The following CTNND2 variants were observed in gnomAD, a reference collection of about 807,000 sequenced individuals.
CTNND2 encodes the protein catenin delta-2.
Under a neutral mutation model 144.4 loss-of-function variants are expected in CTNND2, and 22 were observed. That is an observed-to-expected ratio of 0.15 (90% confidence interval 0.11 to 0.22). The LOEUF is 0.22. Ranked by LOEUF, CTNND2 falls within the 10% of genes least tolerant of loss-of-function variation. CTNND2 has a pLI of 1.00. For synonymous variants in CTNND2, 751 were observed against 695.6 expected (o/e 1.08, Z -1.25); for missense variants, 1,353 against 1,618.8 (o/e 0.84, Z 2.82).
intron 9 of CTNND2, among the ~76,000 whole-genome samples, chr5:11,345,662 C>CT (rs1367362156): frequency 6.6e-6 from 1 of 152,032 alleles, no homozygotes; most frequent in East Asian, 1.9e-4. Flanking sequence ...TTATGGGACT[C>CT]TATCAGCATA....
chr5:11,099,645 T>C (rs962437546), intron 14 of CTNND2, among the ~76,000 whole-genome samples: 5 of 152,192 alleles, frequency 3.3e-5, no homozygotes, highest in Admixed American at 1.3e-4. Context: ...GTCTTTTTTT[T>C]CTACATTTCA....
chr5:11,260,775 A>G (rs552757563), intron 9 of CTNND2, among the ~76,000 whole-genome samples: 1 of 152,340 alleles, frequency 6.6e-6, no homozygotes, highest in East Asian at 1.9e-4. Flanking sequence ...AAACCTTAGC[A>G]ATCAACAATT....
chr5:11,633,859 T>C (rs1781540944), intron 2 of CTNND2, among the ~76,000 whole-genome samples: 1 of 152,100 alleles, frequency 6.6e-6, no homozygotes, highest in Non-Finnish European at 1.5e-5. Flanking sequence ...AACCTGGACA[T>C]CTTTCTTCTT....
intron 2 of CTNND2, among the ~76,000 whole-genome samples, chr5:11,618,844 G>A (rs999760487): frequency 1.6e-4 from 25 of 151,884 alleles, no homozygotes; most frequent in Admixed American, 5.9e-4. Context: ...GATTTTATCC[G>A]ATTATTGTAT....
intron 15 of CTNND2, among the ~76,000 whole-genome samples, chr5:11,096,320 C>T (rs1320772735): frequency 6.6e-6 from 1 of 152,144 alleles, no homozygotes; most frequent in African/African-American, 2.4e-5. Flanking sequence ...CTCCTAGCCC[C>T]CCACCCCTGC....
chr5:11,510,455 G>C (rs1771530531), intron 3 of CTNND2, among the ~76,000 whole-genome samples: 1 of 152,114 alleles, frequency 6.6e-6, no homozygotes, highest in African/African-American at 2.4e-5. Flanking sequence ...AGTTTGTCTA[G>C]GTATCACTTC....
intron 2 of CTNND2, among the ~76,000 whole-genome samples, chr5:11,566,688 G>A (rs889965072): frequency 1.3e-5 from 2 of 152,192 alleles, no homozygotes; most frequent in Non-Finnish European, 2.9e-5. Flanking sequence ...GTGAAACAGT[G>A]CAGTATTTGG....
At chr5:11,849,619 C>G (rs1794920790) in intron 1 of CTNND2, among the ~76,000 whole-genome samples, 1 of 152,166 alleles carries the variant, frequency 6.6e-6, no homozygotes, top group South Asian at 2.1e-4. Context: ...GCACACTGCC[C>G]TTAACTGGAA....
intron 3 of CTNND2, among the ~76,000 whole-genome samples, chr5:11,534,510 C>T (rs1277035568): frequency 6.6e-6 from 1 of 152,020 alleles, no homozygotes; most frequent in Non-Finnish European, 1.5e-5. Flanking sequence ...GAGGCTGAGG[C>T]AGGAGAATCG....
At chr5:11,876,712 G>A (rs1471856261) in intron 1 of CTNND2, among the ~76,000 whole-genome samples, 1 of 152,150 alleles carries the variant, frequency 6.6e-6, no homozygotes, top group Non-Finnish European at 1.5e-5. Flanking sequence ...GATTGAAAAG[G>A]TGTTCAAAGC....
intron 1 of CTNND2, among the ~76,000 whole-genome samples, chr5:11,839,381 C>T (rs1355990743): frequency 6.6e-6 from 1 of 152,102 alleles, no homozygotes. Flanking sequence ...ACTTCAAAAA[C>T]AGAGGTGTCT....
intron 2 of CTNND2, among the ~76,000 whole-genome samples, chr5:11,704,863 C>A (rs1785620806): frequency 6.6e-6 from 1 of 151,780 alleles, no homozygotes; most frequent in Admixed American, 6.6e-5. Flanking sequence ...AACATAATCA[C>A]ACGTAATAAA....
chr5:11,163,336 C>T (rs1177305222), intron 11 of CTNND2, among the ~76,000 whole-genome samples: 1 of 152,188 alleles, frequency 6.6e-6, no homozygotes, highest in Non-Finnish European at 1.5e-5. Context: ...CTAGGGCTTT[C>T]AGCCGAAATT....
chr5:11,873,747 G>A (rs1560953078), intron 1 of CTNND2, among the ~76,000 whole-genome samples: 1 of 152,118 alleles, frequency 6.6e-6, no homozygotes. Flanking sequence ...CTGGACAAGG[G>A]GCTGGAATGG....
At chr5:11,598,020 T>TTTG (rs1441637906) in intron 2 of CTNND2, among the ~76,000 whole-genome samples, 2 of 152,218 alleles carry the variant, frequency 1.3e-5, no homozygotes, top group Non-Finnish European at 2.9e-5. Flanking sequence ...TAGCTGTATT[T>TTTG]TTGTTGTTGT....
At chr5:11,748,676 T>A (rs184816833) in intron 1 of CTNND2, among the ~76,000 whole-genome samples, 1 of 152,248 alleles carries the variant, frequency 6.6e-6, no homozygotes, top group East Asian at 1.9e-4. Flanking sequence ...GTTCCCTTTT[T>A]AAATTACCTC....
intron 2 of CTNND2, among the ~76,000 whole-genome samples, chr5:11,592,534 G>A (rs182530440): frequency 1.6e-4 from 24 of 151,852 alleles, no homozygotes; most frequent in Non-Finnish European, 1.9e-4. Context: ...AACATTGTGA[G>A]ATAATCATAA....
At position 11,563,115 on chromosome 5, in the gene CTNND2, A is replaced by G. The variant is rs61763049; in HGVS notation, c.287+1829T>C. 2.9e-3 allele frequency among the ~76,000 whole-genome samples: 444 copies of G among 152,350 alleles called. 4 individuals are homozygous for G. The highest frequency in any genetic ancestry group is 0.01 in the African/African-American group (432 of 41,570). The stretch of plus-strand genomic sequence containing the variant: ...ACTCACAGTCTGGTCAGGTCCATTT[A>G]CAATACAACCAGGAATTGGAAATTG... On this transcript the variant is annotated intron_variant, in intron 3 of 21. Coordinates refer to ENST00000304623, the MANE Select transcript of CTNND2 (RefSeq NM_001332.4).
intron 1 of CTNND2, among the ~76,000 whole-genome samples, chr5:11,808,449 C>T (rs1481169799): frequency 6.6e-6 from 1 of 152,192 alleles, no homozygotes; most frequent in East Asian, 1.9e-4. Flanking sequence ...CCAACTTTCT[C>T]TGGGAATTCT....
Sources: allele counts gnomAD v4.1 joint callset (sites outside exome capture counted in the v4.1 genomes callset), GRCh38; gene constraint gnomAD v4.1.1; transcripts MANE v1.5; gene names NCBI Gene and HGNC (gene_info 2026-07-23, HGNC 2026-07-21).